Variants in RBFOX1 observed in about 807,000 individuals in gnomAD.
RBFOX1 encodes RNA binding protein fox-1 homolog 1.
A neutral mutation model predicts 57.7 loss-of-function variants in RBFOX1; 8 were observed. The ratio of observed to expected loss-of-function variants is 0.14; its 90% confidence interval spans 0.08 to 0.25. RBFOX1 has a LOEUF of 0.25. RBFOX1 is among the 10% of genes least tolerant of loss of function. The pLI is 1.00. For missense variants in RBFOX1, 611 were observed against 548.5 expected, an observed-to-expected ratio of 1.11 and a Z score of -1.14; for synonymous variants, 326 against 222.4, an observed-to-expected ratio of 1.47 and a Z score of -4.15.
At chr16:5,990,136 C>T (rs1244419991) in intron 4 of RBFOX1, among the ~76,000 whole-genome samples, 6 of 152,126 alleles carry the variant, frequency 3.9e-5, no homozygotes, top group Non-Finnish European at 5.9e-5. Context: ...TAGGCATGTG[C>T]CACCGTACCT....
At chr16:6,432,070 T>C (rs1056755632) in intron 2 of RBFOX1, among the ~76,000 whole-genome samples, 63 of 152,002 alleles carry the variant, frequency 4.1e-4, no homozygotes, top group Non-Finnish European at 8.8e-4. Context: ...CAACGGAACC[T>C]CCTGCCACAG....
chr16:7,624,583 A>G (rs1405434386), intron 10 of RBFOX1, among the ~76,000 whole-genome samples: 2 of 152,216 alleles, frequency 1.3e-5, no homozygotes, highest in Non-Finnish European at 2.9e-5. Context: ...GCCAATAAGT[A>G]CCAGCCAAAT....
chr16:5,485,279 G>T (rs1157115888), intron 2 of RBFOX1, among the ~76,000 whole-genome samples: 2 of 138,744 alleles, frequency 1.4e-5, no homozygotes, highest in Non-Finnish European at 3.0e-5. Context: ...CCAGGAGGCG[G>T]AGCTTGCAGT....
intron 3 of RBFOX1, among the ~76,000 whole-genome samples, chr16:5,628,059 G>T (rs996150388): frequency 6.6e-6 from 1 of 152,214 alleles, no homozygotes; most frequent in African/African-American, 2.4e-5. Context: ...ATTAAGTAAA[G>T]TAGTATAAGG....
chr16:7,089,990 G>A (rs937229628), intron 4 of RBFOX1, among the ~76,000 whole-genome samples: 3 of 151,876 alleles, frequency 2.0e-5, no homozygotes, highest in Non-Finnish European at 2.9e-5. Flanking sequence ...TAGCAAGCTA[G>A]CATTAACACT....
At chr16:7,143,595 C>A (rs1165143109) in intron 4 of RBFOX1, among the ~76,000 whole-genome samples, 1 of 152,120 alleles carries the variant, frequency 6.6e-6, no homozygotes, top group Non-Finnish European at 1.5e-5. Flanking sequence ...ACCTCCTTCT[C>A]ACTCACCCTT....
chr16:6,680,666 A>G (rs1028886742), intron 3 of RBFOX1, among the ~76,000 whole-genome samples: 1 of 152,172 alleles, frequency 6.6e-6, no homozygotes, highest in East Asian at 1.9e-4. Context: ...GTTTTCCACT[A>G]TCAAAGTTTA....
At chr16:6,317,256 CT>C (rs1347282562) in intron 2 of RBFOX1, among the ~76,000 whole-genome samples, 199 bp downstream of exon 2, 3 of 152,120 alleles carry the variant, frequency 2.0e-5, no homozygotes, top group Admixed American at 1.3e-4. Flanking sequence ...TTAGCCCTCC[CT>C]CCCCAATGAA....
At chr16:7,359,224 C>G (rs118162053) in intron 4 of RBFOX1, among the ~76,000 whole-genome samples, 3,103 of 152,280 alleles carry the variant, frequency 0.02, 55 homozygotes, top group Middle Eastern at 0.051. Context: ...ATCCTTACCT[C>G]TCAGAGGGAC....
chr16:6,239,193 G>GAATA (rs1287714761), intron 1 of RBFOX1, among the ~76,000 whole-genome samples: 2 of 152,062 alleles, frequency 1.3e-5, no homozygotes, highest in Non-Finnish European at 2.9e-5. Context: ...ATGAATGAAT[G>GAATA]AATAGCCCTC....
intron 4 of RBFOX1, among the ~76,000 whole-genome samples, chr16:7,091,969 T>C (rs2060937016): frequency 6.6e-6 from 1 of 152,224 alleles, no homozygotes; most frequent in African/African-American, 2.4e-5. Context: ...TTTGACATTC[T>C]CTTTTCCCCT....
At chr16:6,984,152 C>T (rs886109853) in intron 3 of RBFOX1, among the ~76,000 whole-genome samples, 1 of 152,252 alleles carries the variant, frequency 6.6e-6, no homozygotes, top group African/African-American at 2.4e-5. Flanking sequence ...GAGGCTGAGG[C>T]AGGACAATTG....
chr16:6,580,410 T>C (rs1172788900), intron 2 of RBFOX1, among the ~76,000 whole-genome samples: 2 of 152,214 alleles, frequency 1.3e-5, no homozygotes, highest in Non-Finnish European at 2.9e-5. Flanking sequence ...CCTAATTATG[T>C]GGTCATTGAA....
chr16:7,587,050 C>A (rs992701433), intron 6 of RBFOX1, among the ~76,000 whole-genome samples, 197 bp from the exon 7 acceptor site: 1 of 152,074 alleles, frequency 6.6e-6, no homozygotes, highest in Non-Finnish European at 1.5e-5. Flanking sequence ...CAAGCCTTGC[C>A]GGTATATTCC....
At chr16:7,595,771 TA>T in intron 8 of RBFOX1, 130 bp downstream of exon 8, 3 of 350,776 alleles carry the variant, frequency 8.6e-6, no homozygotes, top group Admixed American at 5.6e-5. Context: ...TATATATATA[TA>T]TATTTTTATA....
chr16:7,299,239 TTTTA>T (rs1251961471), intron 4 of RBFOX1, among the ~76,000 whole-genome samples: 1 of 152,194 alleles, frequency 6.6e-6, no homozygotes, highest in African/African-American at 2.4e-5. Context: ...CGTTATTTGA[TTTTA>T]TTTGTTAACT....
chr16:7,157,186 G>A (rs973183848), intron 4 of RBFOX1, among the ~76,000 whole-genome samples: 30 of 152,334 alleles, frequency 2.0e-4, no homozygotes, highest in African/African-American at 6.7e-4. Flanking sequence ...TTCAGCCTTA[G>A]AATTGCAGGC....
At chr16:5,885,826 C>G (rs1380967405) in intron 4 of RBFOX1, among the ~76,000 whole-genome samples, 1 of 152,180 alleles carries the variant, frequency 6.6e-6, no homozygotes, top group African/African-American at 2.4e-5. Context: ...GGTGCTGCTG[C>G]TCTGAACTGT....
intron 4 of RBFOX1, among the ~76,000 whole-genome samples, chr16:7,139,517 T>G (rs8047706): frequency 0.9 from 137,694 of 152,158 alleles, 62,454 homozygotes; most frequent in East Asian, 1. Flanking sequence ...AACCAGGTTT[T>G]TAAAATGCTT....
Sources: gnomAD v4.1 joint callset for allele counts (sites outside exome capture counted in the v4.1 genomes callset) on GRCh38, gnomAD v4.1.1 for gene constraint, MANE v1.5 for transcripts, NCBI Gene and HGNC (gene_info 2026-07-23, HGNC 2026-07-21) for gene names.